The following SYNPR variants were observed in gnomAD, a reference collection of about 807,000 sequenced individuals.
The protein encoded by SYNPR is synaptoporin.
In SYNPR, 23 loss-of-function variants were observed where a neutral mutation model predicts 32.9. The observed-to-expected ratio is 0.70, with a 90% CI of 0.50 to 0.99. The LOEUF is 0.99. Among genes scored for constraint, SYNPR ranks in the 50% least tolerant of loss-of-function variants. SYNPR has a pLI of 0.00. For synonymous variants in SYNPR, 146 were observed against 135.9 expected (o/e 1.07, Z -0.52); for missense variants, 318 against 349.3 (o/e 0.91, Z 0.71).
chr3:63,408,194 G>A (rs1465627127), intron 2 of SYNPR, among the ~76,000 whole-genome samples: 2 of 50,144 alleles, frequency 4.0e-5, no homozygotes, highest in Non-Finnish European at 7.0e-5. Context: ...AAGAAAGAAA[G>A]AGGAAGGAAG....
At chr3:63,517,204 T>C (rs1486230901) in intron 3 of SYNPR, among the ~76,000 whole-genome samples, 1 of 152,098 alleles carries the variant, frequency 6.6e-6, no homozygotes. Flanking sequence ...CAACATAGCA[T>C]AGGGGTTCTA....
intron 5 of SYNPR, among the ~76,000 whole-genome samples, chr3:63,611,886 G>A (rs1199130505): frequency 6.6e-6 from 1 of 152,104 alleles, no homozygotes; most frequent in Non-Finnish European, 1.5e-5. Flanking sequence ...GGGTTTGGAG[G>A]ATGATGTAGT....
At chr3:63,316,265 G>T (rs2087042426) in intron 2 of SYNPR, among the ~76,000 whole-genome samples, 1 of 151,796 alleles carries the variant, frequency 6.6e-6, no homozygotes, top group African/African-American at 2.4e-5. Context: ...AATTTGGGAG[G>T]GTTCCTTCTT....
intron 2 of SYNPR, among the ~76,000 whole-genome samples, chr3:63,432,581 C>T (rs1033462610): frequency 1.3e-5 from 2 of 152,126 alleles, no homozygotes; most frequent in Non-Finnish European, 2.9e-5. Flanking sequence ...TGTCATTGCT[C>T]TTATTGTTTT....
At chr3:63,426,254 G>A (rs151133761) in intron 2 of SYNPR, among the ~76,000 whole-genome samples, 3 of 152,254 alleles carry the variant, frequency 2.0e-5, no homozygotes, top group East Asian at 1.9e-4. Flanking sequence ...CTTCTCAAAC[G>A]TTATTCTTTT....
At chr3:63,529,609 T>A (rs927048221) in intron 3 of SYNPR, among the ~76,000 whole-genome samples, 2 of 152,204 alleles carry the variant, frequency 1.3e-5, no homozygotes, top group African/African-American at 4.8e-5. Context: ...GGACTGTAAT[T>A]GAAATCCATA....
chr3:63,200,866 G>T, the SYNPR span, among the ~76,000 whole-genome samples: 2 of 152,142 alleles, frequency 1.3e-5, no homozygotes, highest in South Asian at 4.1e-4. Context: ...ACTGGGAGCT[G>T]GATGTGTTTT....
At chr3:63,612,743 T>C (rs1700217529) in intron 5 of SYNPR, among the ~76,000 whole-genome samples, 1 of 152,186 alleles carries the variant, frequency 6.6e-6, no homozygotes, top group Non-Finnish European at 1.5e-5. Flanking sequence ...ATTTCCTTGA[T>C]GTCTAAGTTT....
intron 2 of SYNPR, chr3:63,445,712 A>T: frequency 1.9e-6 from 1 of 516,476 alleles, no homozygotes; most frequent in Non-Finnish European, 3.5e-6. Context: ...ACATAGGACA[A>T]GTATGTAACT....
At chr3:63,216,755 A>G in the SYNPR span, among the ~76,000 whole-genome samples, 2 of 47,874 alleles carry the variant, frequency 4.2e-5, 1 homozygote, top group Non-Finnish European at 1.0e-4. Flanking sequence ...CTGGTGAGGA[A>G]CTGCGTTCCT....
intron 5 of SYNPR, among the ~76,000 whole-genome samples, chr3:63,611,105 G>T (rs1300118865): frequency 6.6e-6 from 1 of 152,136 alleles, no homozygotes; most frequent in Non-Finnish European, 1.5e-5. Flanking sequence ...ACCAATGTTT[G>T]TATGCATTAG....
At chr3:63,519,269 C>T (rs1316496757) in intron 3 of SYNPR, among the ~76,000 whole-genome samples, 5 of 152,172 alleles carry the variant, frequency 3.3e-5, no homozygotes. Context: ...CAGATCCTCA[C>T]TTTAATTCTG....
chr3:63,260,669 T>A (rs540287076), intron 2 of SYNPR, among the ~76,000 whole-genome samples: 1 of 152,140 alleles, frequency 6.6e-6, no homozygotes, highest in South Asian at 2.1e-4. Context: ...GGGCAAAGAC[T>A]TCATGTCTAA....
chr3:63,205,811 T>A, the SYNPR span, among the ~76,000 whole-genome samples: 1 of 152,228 alleles, frequency 6.6e-6, no homozygotes, highest in Non-Finnish European at 1.5e-5. Flanking sequence ...CTTGCCTCAG[T>A]TAGAAAATAC....
chr3:63,424,511 A>G (rs72885409), intron 2 of SYNPR, among the ~76,000 whole-genome samples: 5,854 of 152,296 alleles, frequency 0.038, 343 homozygotes, highest in African/African-American at 0.13. Flanking sequence ...CATTTAGCAC[A>G]TAGTAAAGGC....
intron 3 of SYNPR, among the ~76,000 whole-genome samples, chr3:63,543,938 T>G (rs1027764): frequency 0.25 from 37,345 of 151,940 alleles, 4,689 homozygotes; most frequent in Admixed American, 0.32. Flanking sequence ...TGGCGGGGCG[T>G]TATTCTAGTA....
At chr3:63,343,389 A>G (rs1253098024) in intron 2 of SYNPR, among the ~76,000 whole-genome samples, 1 of 152,206 alleles carries the variant, frequency 6.6e-6, no homozygotes, top group Non-Finnish European at 1.5e-5. Context: ...TTATGAAGTC[A>G]TGTTATGAAG....
At chr3:63,523,505 C>A (rs1183783132) in intron 3 of SYNPR, among the ~76,000 whole-genome samples, 1 of 152,096 alleles carries the variant, frequency 6.6e-6, no homozygotes, top group Non-Finnish European at 1.5e-5. Flanking sequence ...TTATTCTCTC[C>A]CTTTGCCCCT....
At chr3:63,237,911 A>G (rs1217344777) in intron 1 of SYNPR, among the ~76,000 whole-genome samples, 1 of 152,042 alleles carries the variant, frequency 6.6e-6, no homozygotes, top group African/African-American at 2.4e-5. Flanking sequence ...GGCTTGGCAG[A>G]GAAGGAGAGT....
Sources: gnomAD v4.1 joint callset for allele counts (sites outside exome capture counted in the v4.1 genomes callset) on GRCh38, gnomAD v4.1.1 for gene constraint, MANE v1.5 for transcripts, NCBI Gene and HGNC (gene_info 2026-07-23, HGNC 2026-07-21) for gene names.